KLF8: variants seen among roughly 807,000 people sequenced by gnomAD.
The protein encoded by KLF8 is KLF transcription factor 8.
Under a neutral mutation model 18.2 loss-of-function variants are expected in KLF8, and 10 were observed. The observed-to-expected ratio is 0.55, with a 90% CI of 0.34 to 0.93. The LOEUF is 0.93. Ranked by LOEUF, KLF8 falls within the 40% of genes least tolerant of loss-of-function variation. KLF8 has a pLI of 0.02. For missense variants in KLF8, 264 were observed against 277.9 expected, an observed-to-expected ratio of 0.95 and a Z score of 0.36; for synonymous variants, 109 against 97.3, an observed-to-expected ratio of 1.12 and a Z score of -0.71.
At chrX:56,080,520 T>A in the KLF8 span, among the ~76,000 whole-genome samples, 1 of 111,847 alleles carries the variant, frequency 8.9e-6, no homozygotes, top group African/African-American at 3.3e-5. Flanking sequence ...AGAGATCCAC[T>A]GTTAGTCTGA....
chrX:56,247,370 T>C (rs2066635949), intron 1 of KLF8, among the ~76,000 whole-genome samples: 1 of 111,956 alleles, frequency 8.9e-6, no homozygotes, highest in African/African-American at 3.2e-5. Context: ...AGTAAGTCAC[T>C]TAGTGAGTAG....
chrX:56,178,644 T>C, the KLF8 span, among the ~76,000 whole-genome samples: 1 of 112,563 alleles, frequency 8.9e-6, no homozygotes, highest in South Asian at 3.7e-4. Flanking sequence ...TTAATCCATC[T>C]TGAATTAATT....
chrX:55,991,490 G>A, the KLF8 span, among the ~76,000 whole-genome samples: 16 of 111,480 alleles, frequency 1.4e-4, no homozygotes, highest in South Asian at 3.4e-3. Flanking sequence ...GCTCCCACTC[G>A]GTGCACTGCA....
At chrX:55,947,541 G>A in the KLF8 span, among the ~76,000 whole-genome samples, 1 of 108,552 alleles carries the variant, frequency 9.2e-6, no homozygotes, top group Non-Finnish European at 1.9e-5. Flanking sequence ...AATGCTAAAT[G>A]ACGAGTTAAT....
chrX:56,177,807 C>A, the KLF8 span, among the ~76,000 whole-genome samples: 1 of 111,644 alleles, frequency 9.0e-6, no homozygotes, highest in Non-Finnish European at 1.9e-5. Flanking sequence ...AATGGGGTCA[C>A]CCCTCCCCCA....
chrX:56,101,639 A>G, the KLF8 span, among the ~76,000 whole-genome samples: 2 of 111,975 alleles, frequency 1.8e-5, no homozygotes, highest in African/African-American at 6.5e-5. Flanking sequence ...TTAATTTATG[A>G]CATTTAAATA....
At chrX:56,047,329 A>G in the KLF8 span, among the ~76,000 whole-genome samples, 315 of 108,920 alleles carry the variant, frequency 2.9e-3, 2 homozygotes, top group South Asian at 0.011. Context: ...GGTTTGTTAC[A>G]TATGTATACA....
chrX:56,051,963 C>G, the KLF8 span, among the ~76,000 whole-genome samples: 2 of 110,345 alleles, frequency 1.8e-5, no homozygotes, highest in Non-Finnish European at 3.8e-5. Flanking sequence ...AGGCTTTGCT[C>G]ATTTATTTTT....
At chrX:55,914,640 T>C in the KLF8 span, among the ~76,000 whole-genome samples, 1 of 110,675 alleles carries the variant, frequency 9.0e-6, no homozygotes, top group Non-Finnish European at 1.9e-5. Flanking sequence ...GATATTTGAG[T>C]CTTGAAGGAT....
At chrX:56,189,051 A>T in the KLF8 span, among the ~76,000 whole-genome samples, 3 of 111,949 alleles carry the variant, frequency 2.7e-5, no homozygotes, top group African/African-American at 9.7e-5. Flanking sequence ...GCTTCTGCAC[A>T]GCAAAAGAAA....
At chrX:56,026,820 G>C in the KLF8 span, among the ~76,000 whole-genome samples, 4 of 112,158 alleles carry the variant, frequency 3.6e-5, no homozygotes, top group Non-Finnish European at 5.6e-5. Flanking sequence ...CCCAGAGTAA[G>C]TACACACTAG....
chrX:56,093,806 A>G, the KLF8 span, among the ~76,000 whole-genome samples: 1 of 109,675 alleles, frequency 9.1e-6, no homozygotes, highest in East Asian at 2.8e-4. Context: ...AAGAGTTGGG[A>G]ATACTCTTTT....
chrX:56,189,093 A>G, the KLF8 span, among the ~76,000 whole-genome samples: 2 of 111,695 alleles, frequency 1.8e-5, no homozygotes, highest in Non-Finnish European at 3.8e-5. Context: ...AGCATACAAA[A>G]TGGGAGAAAA....
chrX:56,062,638 T>C, the KLF8 span, among the ~76,000 whole-genome samples: 3 of 111,526 alleles, frequency 2.7e-5, no homozygotes, highest in Admixed American at 9.5e-5. Context: ...ATTTCACCCT[T>C]GGTGAATCTG....
At chrX:56,206,815 C>A in the KLF8 span, among the ~76,000 whole-genome samples, 1 of 112,822 alleles carries the variant, frequency 8.9e-6, no homozygotes, top group Non-Finnish European at 1.9e-5. Flanking sequence ...GGGCCCCAAC[C>A]CCACATTTCC....
the KLF8 span, among the ~76,000 whole-genome samples, chrX:56,145,709 C>T: frequency 3.6e-5 from 4 of 111,758 alleles, no homozygotes; most frequent in Non-Finnish European, 7.5e-5. Flanking sequence ...AACAAACCTG[C>T]ATGTTGTGCA....
chrX:56,135,095 T>C, the KLF8 span, among the ~76,000 whole-genome samples: 3 of 111,692 alleles, frequency 2.7e-5, no homozygotes, highest in African/African-American at 6.5e-5. Flanking sequence ...ACTTTTACAC[T>C]GTTGGTGGGA....
the KLF8 span, among the ~76,000 whole-genome samples, chrX:56,178,751 C>T: frequency 2.7e-5 from 3 of 111,984 alleles, no homozygotes; most frequent in Non-Finnish European, 3.8e-5. Context: ...ATCCTTTCTC[C>T]GTTTCTTGTT....
the KLF8 span, among the ~76,000 whole-genome samples, chrX:56,184,536 G>A: frequency 1.1e-4 from 12 of 112,143 alleles, no homozygotes; most frequent in African/African-American, 3.6e-4. Flanking sequence ...CTCCCAACAC[G>A]CAGCTGGAGA....
Sources: gnomAD v4.1 joint callset for allele counts (sites outside exome capture counted in the v4.1 genomes callset) on GRCh38, gnomAD v4.1.1 for gene constraint, MANE v1.5 for transcripts, NCBI Gene and HGNC (gene_info 2026-07-23, HGNC 2026-07-21) for gene names.